Variants in TNS3 observed in about 807,000 individuals in gnomAD.
The protein encoded by TNS3 is tensin-3.
In TNS3, 45 loss-of-function variants were observed where a neutral mutation model predicts 140.9. The observed-to-expected ratio is 0.32, with a 90% confidence interval of 0.25 to 0.41. The LOEUF (loss-of-function observed/expected upper bound fraction) is 0.41. Ranked by LOEUF, TNS3 falls within the 10% of genes least tolerant of loss-of-function variation. TNS3 has a pLI of 1.00. For synonymous variants in TNS3, 815 were observed against 788.4 expected (o/e 1.03, Z -0.56); for missense variants, 1,716 against 1,906.7 (o/e 0.90, Z 1.86).
At chr7:47,370,829 G>A (rs1791025632) in intron 16 of TNS3, among the ~76,000 whole-genome samples, 1 of 152,234 alleles carries the variant, frequency 6.6e-6, no homozygotes, top group African/African-American at 2.4e-5. Flanking sequence ...AGCAGTCACT[G>A]AGCCTGGCCC....
At chr7:47,329,979 G>C (rs1262748847) in intron 20 of TNS3, among the ~76,000 whole-genome samples, 2 of 152,326 alleles carry the variant, frequency 1.3e-5, no homozygotes, top group African/African-American at 4.8e-5. Context: ...GCATCTTCTG[G>C]AGATCTGTTT....
chr7:47,364,277 AT>A (rs10566032), intron 17 of TNS3, among the ~76,000 whole-genome samples: 27,931 of 110,814 alleles, frequency 0.25, 2,689 homozygotes, highest in East Asian at 0.46. Context: ...GTAAGCAATA[AT>A]TTTTTTTTTT....
chr7:47,308,205 A>C (rs1368177811), intron 20 of TNS3, among the ~76,000 whole-genome samples: 1 of 152,198 alleles, frequency 6.6e-6, no homozygotes, highest in Admixed American at 6.5e-5. Context: ...TGTTGAGACT[A>C]TCTATTCTTC....
chr7:47,416,781 T>C (rs921925504), intron 10 of TNS3, among the ~76,000 whole-genome samples: 3 of 152,236 alleles, frequency 2.0e-5, no homozygotes, highest in Non-Finnish European at 1.5e-5. Flanking sequence ...TGTTTAATCA[T>C]GCAAATTTTA....
chr7:47,304,989 G>T lies in TNS3; in HGVS notation c.2665C>A (p.Pro889Thr). ...HKGGREPRSCPETLTHAVGMS... is the reference protein window; with the variant it reads ...HKGGREPRSCTETLTHAVGMS... ...CCCACAGCGTGAGTGAGCGTCTCAG[G>T]GCAGCTTCGTGGTTCTGTAGCGGGA... The change falls in exon 21 of 31, where the codon CCT becomes ACT. Residue 889 changes from proline (P) to threonine (T), a missense_variant. Transcript: ENST00000311160. 1 of 1,359,750 alleles carries T rather than the reference G, an allele frequency of 7.4e-7. No homozygotes were observed. The highest frequency in any genetic ancestry group is 2.2e-5 in the South Asian group (1 of 45,460). The allele number at this position is 1,359,750 out of a possible 1,614,324, so 84.2% of individuals were successfully genotyped here. A position where few individuals can be genotyped will look rare whatever the true frequency, so the allele number is the denominator to read the frequency against.
intron 20 of TNS3, among the ~76,000 whole-genome samples, chr7:47,305,427 C>T (rs1174539740): frequency 6.6e-6 from 1 of 152,256 alleles, no homozygotes; most frequent in Non-Finnish European, 1.5e-5. Context: ...CCTCTGCAAA[C>T]CAGCAGGCGA....
intron 3 of TNS3, among the ~76,000 whole-genome samples, chr7:47,487,698 T>TAGG (rs1797663030): frequency 6.6e-6 from 1 of 152,204 alleles, no homozygotes; most frequent in Non-Finnish European, 1.5e-5. Flanking sequence ...AGCAATTCAC[T>TAGG]GAGTTAAGCC....
chr7:47,566,694 G>C lies in TNS3; in HGVS notation c.-265+15357C>G, dbSNP rs532463419. Reference sequence around the variant, plus strand: ...CAGTATCAAAGGTAAGAAGGGAATCGGGTCTCAACCAAGTGATCTGACTTA... The same window carrying C: ...CAGTATCAAAGGTAAGAAGGGAATCCGGTCTCAACCAAGTGATCTGACTTA... On this transcript the variant is annotated intron_variant, in intron 1 of 30. Transcript: ENST00000311160. Among the ~76,000 whole-genome samples, 114 of 152,126 alleles carry C rather than the reference G, an allele frequency of 7.5e-4. 2 individuals are homozygous for C. Among genetic ancestry groups the C allele is most frequent in the Non-Finnish European group, 5.4e-4 (37 of 68,026 alleles).
At chr7:47,525,329 C>A (rs142683461) in intron 2 of TNS3, among the ~76,000 whole-genome samples, 4 of 152,230 alleles carry the variant, frequency 2.6e-5, no homozygotes, top group Non-Finnish European at 4.4e-5. Context: ...GGCCACCACA[C>A]TGGGCTTTGT....
At chr7:47,480,198 G>A (rs1371202203) in intron 4 of TNS3, among the ~76,000 whole-genome samples, 1 of 152,258 alleles carries the variant, frequency 6.6e-6, no homozygotes, top group Non-Finnish European at 1.5e-5. Flanking sequence ...GAACACCCCA[G>A]ATTCTGTGTA....
intron 13 of TNS3, among the ~76,000 whole-genome samples, chr7:47,401,214 G>A (rs550239511): frequency 6.6e-6 from 1 of 152,348 alleles, no homozygotes; most frequent in African/African-American, 2.4e-5. Flanking sequence ...AGTCCTCAGA[G>A]AGGCCACACC....
At chr7:47,528,648 A>G (rs1271767998) in intron 2 of TNS3, among the ~76,000 whole-genome samples, 1 of 152,242 alleles carries the variant, frequency 6.6e-6, no homozygotes, top group Non-Finnish European at 1.5e-5. Context: ...CAGGATCTGA[A>G]AGGGGCCATA....
At chr7:47,360,752 C>A (rs1327955972) in intron 17 of TNS3, among the ~76,000 whole-genome samples, 1 of 152,190 alleles carries the variant, frequency 6.6e-6, no homozygotes, top group Non-Finnish European at 1.5e-5. Flanking sequence ...GCTGCGGTCA[C>A]TCCTCCATCC....
chr7:47,389,154 A>AAGAAGAGGC (rs1340201271), intron 16 of TNS3, among the ~76,000 whole-genome samples: 1 of 82,208 alleles, frequency 1.2e-5, no homozygotes, highest in African/African-American at 4.2e-5. Context: ...GAAGAAGAAG[A>AAGAAGAGGC]AGCAGAAGAA....
chr7:47,414,850 A>AG (rs142402851), intron 11 of TNS3, among the ~76,000 whole-genome samples: 1 of 152,150 alleles, frequency 6.6e-6, no homozygotes, highest in South Asian at 2.1e-4. Context: ...GCATATACAC[A>AG]GGGGTATTTC....
chr7:47,399,920 T>G (rs1161201395), intron 15 of TNS3, among the ~76,000 whole-genome samples: 3 of 151,452 alleles, frequency 2.0e-5, no homozygotes, highest in Non-Finnish European at 2.9e-5. Context: ...TTGCAAACTA[T>G]GCATCTGACA....
intron 17 of TNS3, among the ~76,000 whole-genome samples, chr7:47,367,396 C>T (rs1790766778): frequency 1.3e-5 from 2 of 152,198 alleles, no homozygotes; most frequent in Non-Finnish European, 2.9e-5. Context: ...TGTATAGTAA[C>T]CTGGTCCCAA....
At chr7:47,535,155 G>A (rs1035077296) in intron 1 of TNS3, among the ~76,000 whole-genome samples, 5 of 152,324 alleles carry the variant, frequency 3.3e-5, no homozygotes, top group South Asian at 4.1e-4. Flanking sequence ...CCTGCCCAGC[G>A]CCTGGCAGAC....
chr7:47,428,476 C>G, intron 8 of TNS3, 100 bp from the exon 9 acceptor site: 1 of 887,522 alleles, frequency 1.1e-6, no homozygotes. Context: ...CAATAGAGAG[C>G]CTGCTTTGGT....
Sources: gnomAD v4.1 joint callset for allele counts (sites outside exome capture counted in the v4.1 genomes callset) on GRCh38, gnomAD v4.1.1 for gene constraint, MANE v1.5 for transcripts, NCBI Gene and HGNC (gene_info 2026-07-23, HGNC 2026-07-21) for gene names.